The following LRRIQ1 variants were observed in gnomAD, a reference collection of about 807,000 sequenced individuals.
The protein encoded by LRRIQ1 is leucine rich repeats and IQ motif containing 1.
Under a neutral mutation model 211.9 loss-of-function variants are expected in LRRIQ1, and 210 were observed. The observed-to-expected ratio is 0.99, with a 90% CI of 0.89 to 1.11. The LOEUF (loss-of-function observed/expected upper bound fraction) is 1.11, where lower values mean the gene tolerates loss of function less well. Ranked by LOEUF, LRRIQ1 falls within the 50% of genes most tolerant of loss-of-function variation. LRRIQ1 has a pLI of 0.00. For missense variants in LRRIQ1, 2,136 were observed against 1,939.5 expected, an observed-to-expected ratio of 1.10 and a Z score of -1.90; for synonymous variants, 699 against 650.1, an observed-to-expected ratio of 1.08 and a Z score of -1.14.
chr12:85,122,023 C>G, intron 16 of LRRIQ1, 147 bp downstream of exon 16: 1 of 521,826 alleles, frequency 1.9e-6, no homozygotes, highest in Non-Finnish European at 3.0e-6. Flanking sequence ...AAACTTTGGA[C>G]ATCATGTTTT....
At chr12:85,222,239 T>C (rs1894438329) in intron 24 of LRRIQ1, among the ~76,000 whole-genome samples, 1 of 152,132 alleles carries the variant, frequency 6.6e-6, no homozygotes, top group African/African-American at 2.4e-5. Flanking sequence ...GAAATAAAGA[T>C]GGCAATTGAA....
chr12:85,100,041 G>A (rs1015924924), intron 13 of LRRIQ1, among the ~76,000 whole-genome samples: 17 of 151,660 alleles, frequency 1.1e-4, no homozygotes, highest in African/African-American at 4.1e-4. Context: ...CAAACTCCTT[G>A]GATCTTTTCA....
At chr12:85,269,836 AC>A in the LRRIQ1 span, among the ~76,000 whole-genome samples, 1 of 152,034 alleles carries the variant, frequency 6.6e-6, no homozygotes, top group Admixed American at 6.6e-5. Flanking sequence ...AATACCATAG[AC>A]TTGATGGCTT....
chr12:85,096,437 G>A (rs145917032), intron 11 of LRRIQ1, among the ~76,000 whole-genome samples: 155 of 152,204 alleles, frequency 1.0e-3, no homozygotes, highest in African/African-American at 3.5e-3. Flanking sequence ...GCATTCAGAA[G>A]CCAGTTGATT....
At chr12:85,144,420 A>G (rs1336372872) in intron 19 of LRRIQ1, among the ~76,000 whole-genome samples, 2 of 151,608 alleles carry the variant, frequency 1.3e-5, no homozygotes, top group African/African-American at 2.4e-5. Context: ...AAAAATTAAG[A>G]AAGTTTAAGA....
At chr12:85,185,973 GT>G (rs1467780153) in intron 24 of LRRIQ1, among the ~76,000 whole-genome samples, 2 of 151,706 alleles carry the variant, frequency 1.3e-5, no homozygotes, top group African/African-American at 4.8e-5. Flanking sequence ...TATTTTTATT[GT>G]TTTAAGTATA....
chr12:85,232,236 A>T (rs922760193), intron 25 of LRRIQ1, among the ~76,000 whole-genome samples: 3 of 152,230 alleles, frequency 2.0e-5, no homozygotes, highest in African/African-American at 7.2e-5. Flanking sequence ...GTTCTTGAAA[A>T]GCCAAATATC....
chr12:85,175,375 G>A lies in LRRIQ1; in HGVS notation c.4822+14661G>A, dbSNP rs527928809. Reference sequence around the variant, plus strand: ...GAGCAGGGAGAAAAAGAGTATATTTGCTATCAATACATTCAAGTATATCAG... The same window carrying A: ...GAGCAGGGAGAAAAAGAGTATATTTACTATCAATACATTCAAGTATATCAG... On this transcript the variant is annotated intron_variant, in intron 24 of 26. Transcript: ENST00000393217. Among the ~76,000 whole-genome samples the A allele has an allele frequency of 7.9e-5, 12 of 152,222 alleles. No homozygotes were observed. The South Asian group carries it at 2.5e-3, about 32-fold the overall frequency.
At chr12:85,263,476 A>G (rs1430909150) in exon 2 of LRRIQ1, 1 of 152,058 alleles carries the variant, frequency 6.6e-6, no homozygotes, top group Admixed American at 6.6e-5. Flanking sequence ...TTATTAGATT[A>G]TCGTACTTGA....
chr12:85,129,130 A>T (rs1273873436), intron 18 of LRRIQ1, among the ~76,000 whole-genome samples: 2 of 152,190 alleles, frequency 1.3e-5, no homozygotes, highest in Admixed American at 1.3e-4. Context: ...TTCACAAAGT[A>T]TATTCCAAGA....
chr12:85,118,663 T>A (rs1366866693), intron 15 of LRRIQ1, among the ~76,000 whole-genome samples: 3 of 152,084 alleles, frequency 2.0e-5, no homozygotes, highest in African/African-American at 7.2e-5. Context: ...ATGGGCCACT[T>A]CTTTTGTAAT....
At chr12:85,253,367 A>G (rs1407369092) in intron 1 of LRRIQ1, among the ~76,000 whole-genome samples, 3 of 152,090 alleles carry the variant, frequency 2.0e-5, no homozygotes, top group Non-Finnish European at 4.4e-5. Flanking sequence ...TCCAAAATAG[A>G]CTACTCACAC....
intron 24 of LRRIQ1, among the ~76,000 whole-genome samples, chr12:85,201,077 C>G (rs376188093): frequency 1.3e-5 from 2 of 151,864 alleles, no homozygotes; most frequent in Non-Finnish European, 2.9e-5. Flanking sequence ...ATGATTCACC[C>G]GCCTCTGCCT....
At chr12:85,037,625 G>C (rs1229168015) in intron 1 of LRRIQ1, among the ~76,000 whole-genome samples, 1 of 151,966 alleles carries the variant, frequency 6.6e-6, no homozygotes, top group African/African-American at 2.4e-5. Context: ...GAAAGGGAAA[G>C]AGGATGGAAA....
intron 1 of LRRIQ1, among the ~76,000 whole-genome samples, chr12:85,262,676 A>G (rs886251869): frequency 6.6e-6 from 1 of 152,116 alleles, no homozygotes; most frequent in African/African-American, 2.4e-5. Context: ...GGAAACCATT[A>G]TATCTATTTA....
intron 24 of LRRIQ1, among the ~76,000 whole-genome samples, chr12:85,206,909 A>G (rs1565903749): frequency 6.6e-6 from 1 of 152,026 alleles, no homozygotes; most frequent in Non-Finnish European, 1.5e-5. Context: ...TAAGACTACC[A>G]TCTCCTAGCG....
intron 24 of LRRIQ1, among the ~76,000 whole-genome samples, chr12:85,209,573 T>G (rs1893735636): frequency 6.6e-6 from 1 of 152,214 alleles, no homozygotes; most frequent in African/African-American, 2.4e-5. Flanking sequence ...TAAGTTCATC[T>G]GAGTATAGCT....
intron 10 of LRRIQ1, among the ~76,000 whole-genome samples, chr12:85,072,369 T>C (rs1021763771): frequency 1.3e-5 from 2 of 152,026 alleles, no homozygotes; most frequent in African/African-American, 4.8e-5. Context: ...ATGTTTTAGG[T>C]GTACTTGAAA....
At chr12:85,220,707 A>G in intron 24 of LRRIQ1, among the ~76,000 whole-genome samples, 1 of 151,146 alleles carries the variant, frequency 6.6e-6, no homozygotes, top group East Asian at 1.9e-4. Flanking sequence ...GGTTTGTTAC[A>G]TATGTATACA....
Sources: gnomAD v4.1 joint callset for allele counts (sites outside exome capture counted in the v4.1 genomes callset) on GRCh38, gnomAD v4.1.1 for gene constraint, MANE v1.5 for transcripts, NCBI Gene and HGNC (gene_info 2026-07-23, HGNC 2026-07-21) for gene names.